ERC1: variants seen among roughly 807,000 people sequenced by gnomAD.
The protein encoded by ERC1 is ELKS/RAB6-interacting/CAST family member 1.
In ERC1, 56 loss-of-function variants were observed where a neutral mutation model predicts 132.0. That is an observed-to-expected ratio of 0.42 (90% CI 0.34 to 0.53). The LOEUF (loss-of-function observed/expected upper bound fraction) is 0.53, where lower values mean the gene tolerates loss of function less well. Ranked by LOEUF, ERC1 falls within the 20% of genes least tolerant of loss-of-function variation. The probability of loss-of-function intolerance (pLI) is 0.03; values close to 1 mark genes in which losing one functional copy is unlikely to be tolerated. For missense variants in ERC1, 1,202 were observed against 1,349.9 expected, an observed-to-expected ratio of 0.89 and a Z score of 1.72; for synonymous variants, 478 against 476.1, an observed-to-expected ratio of 1.00 and a Z score of -0.05.
chr12:1,043,048 C>CT (rs397940397), intron 2 of ERC1, among the ~76,000 whole-genome samples: 15,570 of 118,928 alleles, frequency 0.13, 1,409 homozygotes, highest in African/African-American at 0.29. Flanking sequence ...CTTTTCTTTT[C>CT]TTTTTTTTTT....
intron 3 of ERC1, among the ~76,000 whole-genome samples, chr12:1,101,075 T>C (rs1000728741): frequency 7.2e-5 from 11 of 152,252 alleles, no homozygotes; most frequent in African/African-American, 2.6e-4. Flanking sequence ...GGATGCATCA[T>C]GGGTGCTAGC....
upstream of ERC1, chr12:990,706 T>C (rs1053913694): frequency 2.0e-5 from 3 of 151,680 alleles, no homozygotes; most frequent in African/African-American, 7.3e-5. Flanking sequence ...GGACAAAGCG[T>C]CCCCCCAGCA....
chr12:1,165,447 A>G (rs111420115), intron 8 of ERC1, among the ~76,000 whole-genome samples: 1 of 152,004 alleles, frequency 6.6e-6, no homozygotes, highest in Non-Finnish European at 1.5e-5. Flanking sequence ...CTGGGACTAC[A>G]GGCGCCTGCC....
rs570244540 is a variant in ERC1 at position 1,247,888 on chromosome 12, C to T, written c.2487+10984C>T. On this transcript the variant is annotated intron_variant, in intron 13 of 18. Transcript: ENST00000360905. ...GCACATGCCTGTAATCCCAGCTACTCAGGAGGCTGAGGCAGGAGAATCGCT... is the reference window on the plus strand; with the variant it reads ...GCACATGCCTGTAATCCCAGCTACTTAGGAGGCTGAGGCAGGAGAATCGCT... 3.9e-5 allele frequency among the ~76,000 whole-genome samples: 6 copies of T among 152,098 alleles called. No homozygotes were observed. The South Asian group carries it at 1.2e-3, about 32-fold the overall frequency.
At chr12:1,319,737 T>G (rs1006972476) in intron 15 of ERC1, among the ~76,000 whole-genome samples, 5 of 152,220 alleles carry the variant, frequency 3.3e-5, no homozygotes, top group Admixed American at 1.3e-4. Flanking sequence ...ATTGAGTTCA[T>G]CATTAGAAAA....
intron 7 of ERC1, among the ~76,000 whole-genome samples, chr12:1,117,399 A>G (rs1413781680): frequency 3.3e-5 from 5 of 152,214 alleles, no homozygotes; most frequent in Non-Finnish European, 5.9e-5. Flanking sequence ...CATTTTTCTT[A>G]TAACTTACAC....
At chr12:1,179,584 T>G (rs2154269830) in intron 8 of ERC1, among the ~76,000 whole-genome samples, 1 of 143,500 alleles carries the variant, frequency 7.0e-6, no homozygotes, top group East Asian at 2.3e-4. Flanking sequence ...CTCGGCTCAC[T>G]GCAGGCTCCG....
intron 13 of ERC1, among the ~76,000 whole-genome samples, chr12:1,245,111 C>A (rs2076079455): frequency 6.6e-6 from 1 of 152,110 alleles, no homozygotes; most frequent in Admixed American, 6.6e-5. Flanking sequence ...AAATAAAATA[C>A]ATTTTTAAAG....
intron 18 of ERC1, among the ~76,000 whole-genome samples, chr12:1,446,479 G>A (rs1731633167): frequency 6.6e-6 from 1 of 152,098 alleles, no homozygotes; most frequent in African/African-American, 2.4e-5. Context: ...AGGCACAGGT[G>A]GTGTAAACTT....
upstream of ERC1, among the ~76,000 whole-genome samples, chr12:990,788 G>A (rs1026744761): frequency 2.0e-5 from 3 of 152,136 alleles, no homozygotes; most frequent in African/African-American, 7.2e-5. Flanking sequence ...GAGAAGTAGG[G>A]GGTGGGGCGC....
chr12:1,451,263 G>T (rs1410447160), intron 18 of ERC1, among the ~76,000 whole-genome samples: 5 of 151,886 alleles, frequency 3.3e-5, no homozygotes, highest in Admixed American at 6.6e-5. Context: ...AAAAATCTTT[G>T]TTTTTTATCT....
chr12:1,053,291 G>C (rs1057073169), intron 2 of ERC1, among the ~76,000 whole-genome samples: 2 of 152,162 alleles, frequency 1.3e-5, no homozygotes, highest in Non-Finnish European at 2.9e-5. Flanking sequence ...ACTTGACTAT[G>C]GAACAATTCA....
chr12:1,441,063 A>AAT (rs1555096496), intron 17 of ERC1, among the ~76,000 whole-genome samples: 1 of 145,558 alleles, frequency 6.9e-6, no homozygotes, highest in African/African-American at 2.5e-5. Context: ...CTGTTTGAAA[A>AAT]TTTTTTTTTT....
intron 8 of ERC1, among the ~76,000 whole-genome samples, chr12:1,169,658 G>C (rs1952841536): frequency 6.6e-6 from 1 of 152,164 alleles, no homozygotes; most frequent in South Asian, 2.1e-4. Flanking sequence ...ACCCATAAAA[G>C]TAGACCTGGC....
intron 15 of ERC1, among the ~76,000 whole-genome samples, chr12:1,320,604 A>G (rs1391018786): frequency 6.6e-6 from 1 of 152,230 alleles, no homozygotes; most frequent in Non-Finnish European, 1.5e-5. Flanking sequence ...CCTTATTACA[A>G]AAGTCATTTC....
intron 12 of ERC1, among the ~76,000 whole-genome samples, chr12:1,196,971 TATATA>T (rs1175536857): frequency 0.011 from 851 of 76,398 alleles, 60 homozygotes; most frequent in South Asian, 0.029. Context: ...CATATATATA[TATATA>T]TTTTTTTTTT....
intron 12 of ERC1, among the ~76,000 whole-genome samples, chr12:1,196,843 TGTCTGTCTCTCTCTCA>T (rs1376823706): frequency 7.6e-4 from 93 of 121,954 alleles, no homozygotes; most frequent in Non-Finnish European, 9.0e-4. Context: ...TCTGTCTCTC[TGTCTGTCTCTCTCTCA>T]CTCTCTCTCT....
At chr12:1,374,568 C>G (rs1337576813) in intron 16 of ERC1, among the ~76,000 whole-genome samples, 1 of 152,188 alleles carries the variant, frequency 6.6e-6, no homozygotes, top group East Asian at 1.9e-4. Context: ...CATGAAGAAG[C>G]CCCACTGTGA....
intron 3 of ERC1, among the ~76,000 whole-genome samples, chr12:1,084,760 T>C (rs1942744190): frequency 6.6e-6 from 1 of 152,118 alleles, no homozygotes; most frequent in Non-Finnish European, 1.5e-5. Flanking sequence ...GGCATGATCA[T>C]GGCTCACTGC....
Sources: gnomAD v4.1 joint callset for allele counts (sites outside exome capture counted in the v4.1 genomes callset) on GRCh38, gnomAD v4.1.1 for gene constraint, MANE v1.5 for transcripts, NCBI Gene and HGNC (gene_info 2026-07-23, HGNC 2026-07-21) for gene names.